Variants in OOEP observed in about 807,000 individuals in gnomAD.
OOEP encodes the protein oocyte expressed protein.
A neutral mutation model predicts 13.7 loss-of-function variants in OOEP; 16 were observed. The ratio of observed to expected loss-of-function variants is 1.16; its 90% CI spans 0.79 to 1.77. The LOEUF (loss-of-function observed/expected upper bound fraction) is 1.77. OOEP is among the 40% of genes most tolerant of loss of function. The pLI is 0.00. For synonymous variants in OOEP, 89 were observed against 77.1 expected (o/e 1.15, Z -0.81); for missense variants, 195 against 193.1 (o/e 1.01, Z -0.06).
At chr6:73,372,975 C>T (rs1018810646), upstream of OOEP, 6 of 694,654 alleles carry the variant, frequency 8.6e-6, no homozygotes, top group East Asian at 1.1e-4. Context: ...AGCCAACCAA[C>T]GTGTTCATAA....
upstream of OOEP, among the ~76,000 whole-genome samples, chr6:73,371,816 T>C (rs1297820754): frequency 6.6e-6 from 1 of 151,616 alleles, no homozygotes; most frequent in Non-Finnish European, 1.5e-5. Flanking sequence ...CAATCCCAGC[T>C]ACTCGAAAGG....
upstream of OOEP, among the ~76,000 whole-genome samples, chr6:73,372,148 G>A (rs909931831): frequency 3.3e-5 from 5 of 151,990 alleles, no homozygotes; most frequent in South Asian, 4.1e-4. Flanking sequence ...ATCATGAGAC[G>A]CACTTACATT....
rs561919480 is a variant in OOEP at position 73,382,002 on chromosome 6, AAAAAC to A, written c.25+12339_25+12343del. Among the ~76,000 whole-genome samples the A allele has an allele frequency of 1.8e-4, 28 of 152,170 alleles. No individual in the cohort carries two copies. In the East Asian group the frequency reaches 5.4e-3, roughly 29 times the overall value. On this transcript the variant is annotated intron_variant, in intron 2 of 3. Transcript: ENST00000370363. ...TCTCAAAAACAAAACAAAACAAACA[AAAAAC>A]AAAGGATTGTAACTTTGGGTTTTTG...
intron 2 of OOEP, among the ~76,000 whole-genome samples, chr6:73,378,603 C>T (rs1769162294): frequency 6.6e-6 from 1 of 151,948 alleles, no homozygotes; most frequent in Non-Finnish European, 1.5e-5. Flanking sequence ...TGGCTCAGGC[C>T]TGTAATCCCA....
rs9341421 is a variant in OOEP, at chr6:73,369,691, A to T, written c.102T>A (p.Ile34=). The change falls in exon 1 of 3, where the codon ATT becomes ATA. Residue 34 remains isoleucine, a synonymous_variant. Transcript: ENST00000370359. ...CCGGAAACCACCAGGGCCGGATGCG[A>T]ATCTGTGGCGGCGGAAGTGGTAACC... The part of the protein sequence containing the change: ...LRRLPLPPPQ[I]RIRPWWFPVQ... The T allele has an allele frequency of 8.1e-4, 1,314 of 1,613,996 alleles. 31 individuals are homozygous for T. In the East Asian group the frequency reaches 0.025, roughly 30 times the overall value.
chr6:73,371,196 A>C (rs1769048525), upstream of OOEP, among the ~76,000 whole-genome samples: 2 of 152,160 alleles, frequency 1.3e-5, no homozygotes. Flanking sequence ...TCTGCCCCTG[A>C]TCCCACCCCC....
intron 2 of OOEP, among the ~76,000 whole-genome samples, chr6:73,386,977 G>GAAAAAAAAAAAAAAAA (rs1169476638): frequency 3.2e-5 from 1 of 30,868 alleles, no homozygotes; most frequent in Admixed American, 4.9e-4. Context: ...TTCCATCTCA[G>GAAAAAAAAAAAAAAAA]AAAAAAAAAA....
intron 2 of OOEP, among the ~76,000 whole-genome samples, chr6:73,382,303 C>T (rs529874301): frequency 1.3e-5 from 2 of 149,756 alleles, no homozygotes; most frequent in Admixed American, 6.8e-5. Context: ...CCACAACCTC[C>T]GCCTCCTGGG....
rs1414588627 is a variant in OOEP at position 73,381,223 on chromosome 6, AAAAAAG to A, written c.26-11844_26-11839del. On this transcript the variant is annotated intron_variant, in intron 2 of 3. Transcript: ENST00000370363. ...AAAGTGTTAAAAAAAAAAAAAAAAA[AAAAAAG>A]AAGAAGAAAAAGAAGAAGATGGAGT... Among the ~76,000 whole-genome samples, 335 of 135,048 alleles carry A rather than the reference AAAAAAG, an allele frequency of 2.5e-3. 1 individual carries two copies. The highest frequency in any genetic ancestry group is 6.2e-3 in the African/African-American group (239 of 38,824). 88.6% of individuals were successfully genotyped at this position (135,048 alleles called of 152,430 possible).
chr6:73,394,925 C>G, exon 1 of OOEP: 1 of 1,614,242 alleles, frequency 6.2e-7, no homozygotes, highest in Non-Finnish European at 8.5e-7. Flanking sequence ...CACGGAGGAG[C>G]TCCCAAGGCC....
chr6:73,394,288 A>G, intron 2 of OOEP: 1 of 712,954 alleles, frequency 1.4e-6, no homozygotes, highest in Non-Finnish European at 2.6e-6. Flanking sequence ...CTGTTTTGTC[A>G]ATCTGTTGTT....
intron 2 of OOEP, among the ~76,000 whole-genome samples, chr6:73,380,724 A>C (rs1769194769): frequency 1.3e-5 from 2 of 152,148 alleles, no homozygotes; most frequent in South Asian, 4.1e-4. Context: ...TTTGTTTTTA[A>C]AGAGGACTTT....
chr6:73,395,078 C>T lies in OOEP; in HGVS notation c.-478G>A, dbSNP rs1057216355. On this transcript the variant is annotated 5_prime_UTR_variant, in exon 1 of 4. Transcript: ENST00000370363. ...CGCTGGAGAGGCACCTCTAGGCCCCCGGAGGCCGTGGCCGCTGGTCACGAG... is the reference window on the plus strand; with the variant it reads ...CGCTGGAGAGGCACCTCTAGGCCCCTGGAGGCCGTGGCCGCTGGTCACGAG... 28 of 1,614,028 alleles carry T rather than the reference C, an allele frequency of 1.7e-5. 1 individual carries two copies. Among genetic ancestry groups the T allele is most frequent in the African/African-American group, 5.3e-5 (4 of 74,924 alleles).
intron 2 of OOEP, among the ~76,000 whole-genome samples, chr6:73,382,994 G>T (rs1301602910): frequency 6.6e-6 from 1 of 151,068 alleles, no homozygotes; most frequent in African/African-American, 2.4e-5. Context: ...GCGCCACCAT[G>T]CACGTCTAAT....
At chr6:73,383,584 G>A (rs12211460) in intron 2 of OOEP, among the ~76,000 whole-genome samples, 5,776 of 151,932 alleles carry the variant, frequency 0.038, 135 homozygotes, top group East Asian at 0.077. Flanking sequence ...GCAGTGAGCC[G>A]AGATTGCGCC....
chr6:73,383,236 T>C (rs1014174409), intron 2 of OOEP, among the ~76,000 whole-genome samples: 1 of 152,250 alleles, frequency 6.6e-6, no homozygotes, highest in Non-Finnish European at 1.5e-5. Context: ...TGATTCTAGT[T>C]TCTTGATCAA....
At chr6:73,386,720 C>CT (rs1769276674) in intron 2 of OOEP, among the ~76,000 whole-genome samples, 1 of 151,926 alleles carries the variant, frequency 6.6e-6, no homozygotes, top group South Asian at 2.1e-4. Flanking sequence ...AATCCCAGCA[C>CT]TTTTGGAGGC....
At chr6:73,381,013 G>A (rs1388018932) in intron 2 of OOEP, among the ~76,000 whole-genome samples, 2 of 151,776 alleles carry the variant, frequency 1.3e-5, no homozygotes, top group Non-Finnish European at 2.9e-5. Context: ...AAAAAATTTA[G>A]CTAGGCGTGG....
At chr6:73,376,504 A>T (rs1253964959) in intron 2 of OOEP, among the ~76,000 whole-genome samples, 1 of 141,318 alleles carries the variant, frequency 7.1e-6, no homozygotes, top group Non-Finnish European at 1.6e-5. Context: ...TTTGAGACGG[A>T]GTCTGTTGCT....
Sources: gnomAD v4.1 joint callset for allele counts (sites outside exome capture counted in the v4.1 genomes callset) on GRCh38, gnomAD v4.1.1 for gene constraint, MANE v1.5 for transcripts, NCBI Gene and HGNC (gene_info 2026-07-23, HGNC 2026-07-21) for gene names.